Variants in PPP1R16A observed in about 807,000 individuals in gnomAD.
PPP1R16A encodes myosin phosphatase-targeting subunit 3.
Under a neutral mutation model 46.6 loss-of-function variants are expected in PPP1R16A, and 39 were observed. The observed-to-expected ratio is 0.84, with a 90% CI of 0.65 to 1.09. The LOEUF is 1.09. Among genes scored for constraint, PPP1R16A ranks in the 50% least tolerant of loss-of-function variants. The probability of loss-of-function intolerance (pLI) is 0.00; values close to 1 mark genes in which losing one functional copy is unlikely to be tolerated. For synonymous variants in PPP1R16A, 413 were observed against 321.5 expected (o/e 1.28, Z -3.04); for missense variants, 798 against 735.6 (o/e 1.08, Z -0.98).
intron 10 of PPP1R16A, 61 bp downstream of exon 10, chr8:144,501,032 C>A (rs1458542814): frequency 4.2e-5 from 63 of 1,505,192 alleles, no homozygotes; most frequent in Non-Finnish European, 3.7e-5. Flanking sequence ...CAGCCCCGGG[C>A]GGAGTGCCAG....
At position 144,500,192 on chromosome 8, in the gene PPP1R16A, C is replaced by G. The variant is rs759620303; in HGVS notation, c.573C>G (p.Ala191=). The G allele has an allele frequency of 2.7e-5, 43 of 1,608,196 alleles. No individual in the cohort carries two copies. Among genetic ancestry groups the G allele is most frequent in the Non-Finnish European group, 3.5e-5 (41 of 1,177,698 alleles). The change falls in exon 6 of 12, where the codon GCC becomes GCG. Residue 191 remains alanine, a synonymous_variant. Coordinates refer to ENST00000435887, the MANE Select transcript of PPP1R16A (RefSeq NM_001329443.2). ...QTLDCLETAM[A]DRGITQDSIE... is the part of the protein sequence containing the mutation. ...TGGACTGCCTGGAGACTGCCATGGC[C>G]GACCGTGGTAGGTGCGGCGGTGCGG...
rs372247642 is a variant in PPP1R16A, at chr8:144,500,269, A to G, written c.583A>G (p.Ile195Val). The stretch of plus-strand genomic sequence containing the variant: ...CCTCTGAGCCTGCCGCCTCGCAGGC[A>G]TCACCCAGGACAGCATCGAGGCCGC... ...CLETAMADRG[I>V]TQDSIEAARA... The change falls in exon 7 of 12, where the codon ATC becomes GTC. Residue 195 changes from isoleucine (I) to valine (V), a missense_variant and splice_region_variant. Ile to Val is a conservative substitution (Grantham distance 29). Transcript: ENST00000435887. The G allele has an allele frequency of 1.0e-5, 16 of 1,557,620 alleles. No individual in the cohort carries two copies. The highest frequency in any genetic ancestry group is 1.4e-5 in the Non-Finnish European group (16 of 1,152,384).
chr8:144,499,032 C>G lies in PPP1R16A; in HGVS notation c.447C>G (p.His149Gln). 2 of 1,587,738 alleles carry G rather than the reference C, an allele frequency of 1.3e-6. No individual in the cohort carries two copies. Among genetic ancestry groups the G allele is most frequent in the Non-Finnish European group, 1.7e-6 (2 of 1,163,128 alleles). ...TPLHAAATCG[H>Q]LHLVELLIAS... ...TGCATGCTGCGGCCACCTGCGGCCA[C>G]CTGCACCTGGTGGAGCTGCTCATCG... Residue 149 changes from histidine to glutamine, a missense_variant, in exon 5 of 12, where the codon CAC (histidine) becomes CAG (glutamine). Physicochemically the swap from His to Gln is conservative, Grantham distance 24. Coordinates refer to ENST00000435887, the MANE Select transcript of PPP1R16A (RefSeq NM_001329443.2).
chr8:144,488,100 C>T (rs1400429662), intron 1 of PPP1R16A, among the ~76,000 whole-genome samples: 6 of 152,168 alleles, frequency 3.9e-5, no homozygotes, highest in Non-Finnish European at 8.8e-5. Context: ...AGTGGACATC[C>T]TCCCCTGACA....
intron 3 of PPP1R16A, 116 bp from the exon 4 acceptor site, chr8:144,498,654 C>A: frequency 9.6e-7 from 1 of 1,040,544 alleles, no homozygotes. Context: ...TCTGGTGTGC[C>A]TCCTGCCATC....
chr8:144,487,954 C>T (rs1825676320), intron 1 of PPP1R16A, among the ~76,000 whole-genome samples: 1 of 152,180 alleles, frequency 6.6e-6, no homozygotes, highest in South Asian at 2.1e-4. Flanking sequence ...CTGGGTTTTG[C>T]AACATATAAC....
Position 144,500,252 on chromosome 8 carries a change from C to T in PPP1R16A, c.581-15C>T. The T allele has an allele frequency of 1.3e-6, 2 of 1,565,010 alleles. No homozygotes were observed. Among genetic ancestry groups the T allele is most frequent in the Non-Finnish European group, 1.7e-6 (2 of 1,156,206 alleles). On this transcript the variant is annotated splice_polypyrimidine_tract_variant and intron_variant, in intron 6 of 11. Coordinates refer to ENST00000435887, the MANE Select transcript of PPP1R16A (RefSeq NM_001329443.2). ...GGCTGCCGGTCGCGCTCCCTCTGAGCCTGCCGCCTCGCAGGCATCACCCAG... is the reference window on the plus strand; with the variant it reads ...GGCTGCCGGTCGCGCTCCCTCTGAGTCTGCCGCCTCGCAGGCATCACCCAG...
intron 1 of PPP1R16A, among the ~76,000 whole-genome samples, chr8:144,480,568 C>T (rs946485966): frequency 3.3e-5 from 5 of 151,902 alleles, no homozygotes; most frequent in African/African-American, 7.3e-5. Context: ...CTCACTGCAA[C>T]CTCCGTCTCT....
intron 1 of PPP1R16A, among the ~76,000 whole-genome samples, chr8:144,482,580 G>A (rs189132257): frequency 5.3e-4 from 80 of 151,616 alleles, no homozygotes; most frequent in African/African-American, 1.4e-3. Flanking sequence ...TCAACCTCCC[G>A]GGTTTAAGCA....
At chr8:144,489,653 TC>T (rs1482997444) in intron 1 of PPP1R16A, among the ~76,000 whole-genome samples, 18 of 152,102 alleles carry the variant, frequency 1.2e-4, no homozygotes, top group Non-Finnish European at 1.5e-5. Context: ...CCCGATGCCT[TC>T]TGTGCTGACC....
chr8:144,487,864 G>A (rs1375903443), intron 1 of PPP1R16A, among the ~76,000 whole-genome samples: 1 of 152,172 alleles, frequency 6.6e-6, no homozygotes, highest in African/African-American at 2.4e-5. Flanking sequence ...ATTAGCTTGT[G>A]AGTCTCACAC....
intron 3 of PPP1R16A, 126 bp from the exon 4 acceptor site, chr8:144,498,644 T>G (rs1429843426): frequency 1.1e-6 from 1 of 917,844 alleles, no homozygotes; most frequent in African/African-American, 1.7e-5. Flanking sequence ...ACCCCTGGGC[T>G]CTGGTGTGCC....
chr8:144,500,258 G>A lies in PPP1R16A; in HGVS notation c.581-9G>A. The A allele has an allele frequency of 1.3e-6, 2 of 1,561,162 alleles. No homozygotes were observed. The highest frequency in any genetic ancestry group is 1.7e-6 in the Non-Finnish European group (2 of 1,154,132). Reference sequence around the variant, plus strand: ...CGGTCGCGCTCCCTCTGAGCCTGCCGCCTCGCAGGCATCACCCAGGACAGC... The same window carrying A: ...CGGTCGCGCTCCCTCTGAGCCTGCCACCTCGCAGGCATCACCCAGGACAGC... On this transcript the variant is annotated splice_polypyrimidine_tract_variant and intron_variant, in intron 6 of 11. Transcript: ENST00000435887.
At chr8:144,484,891 T>TA (rs1468234736) in intron 1 of PPP1R16A, among the ~76,000 whole-genome samples, 2 of 152,290 alleles carry the variant, frequency 1.3e-5, no homozygotes, top group South Asian at 2.1e-4. Flanking sequence ...TGTTTGTAGA[T>TA]AAAAAATAGT....
At chr8:144,484,054 T>C (rs558748771) in intron 1 of PPP1R16A, among the ~76,000 whole-genome samples, 2 of 152,236 alleles carry the variant, frequency 1.3e-5, no homozygotes, top group South Asian at 2.1e-4. Context: ...ACCTGCGCCC[T>C]AGGTTGGTTG....
intron 2 of PPP1R16A, among the ~76,000 whole-genome samples, chr8:144,492,863 A>G (rs1329341844): frequency 1.3e-5 from 2 of 151,864 alleles, no homozygotes; most frequent in East Asian, 3.9e-4. Flanking sequence ...CCTTGTCCCT[A>G]TCTCTGGGTG....
chr8:144,497,088 C>T lies in PPP1R16A; in HGVS notation c.-107C>T, dbSNP rs1309751660. The T allele has an allele frequency of 4.1e-6, 6 of 1,446,818 alleles. No homozygotes were observed. Among genetic ancestry groups the T allele is most frequent in the South Asian group, 1.2e-5 (1 of 80,660 alleles). The allele number at this position is 1,446,818 out of a possible 1,614,324, so 89.6% of individuals were successfully genotyped here. On this transcript the variant is annotated 5_prime_UTR_variant, in exon 3 of 12. Transcript: ENST00000435887. ...CACGAAGCTCTGGGAAGGGGATGCC[C>T]CCGAGGGTGCCAGTCCAGCTAGCTG...
At chr8:144,487,378 A>G (rs1825658383) in intron 1 of PPP1R16A, among the ~76,000 whole-genome samples, 1 of 150,852 alleles carries the variant, frequency 6.6e-6, no homozygotes, top group African/African-American at 2.4e-5. Context: ...TGGGGACAAA[A>G]CAAAACAGTC....
rs376119786 is a variant in PPP1R16A at position 144,485,204 on chromosome 8, T to G, written c.-913-4830T>G. ...TGACAAAAGAACCAGTAAAAAAGAA[T>G]AGAATCTCAAAAAAAAAAAAAAAAA... On this transcript the variant is annotated intron_variant, in intron 1 of 11. Transcript: ENST00000435887. Among the ~76,000 whole-genome samples the G allele has an allele frequency of 1.6e-4, 3 of 19,264 alleles. No individual in the cohort carries two copies. In the South Asian group the frequency reaches 5.0e-3, roughly 32 times the overall value. The allele number at this position is 19,264 out of a possible 152,430, so 12.6% of individuals were successfully genotyped here. A position where few individuals can be genotyped will look rare whatever the true frequency, so the allele number is the denominator to read the frequency against.
Sources: allele counts gnomAD v4.1 joint callset (sites outside exome capture counted in the v4.1 genomes callset), GRCh38; gene constraint gnomAD v4.1.1; transcripts MANE v1.5; gene names NCBI Gene and HGNC (gene_info 2026-07-23, HGNC 2026-07-21).